Variants in PSIP1 observed in about 807,000 individuals in gnomAD.
PSIP1 encodes the protein PC4 and SRSF1 interacting protein 1.
Under a neutral mutation model 74.7 loss-of-function variants are expected in PSIP1, and 19 were observed. That is an observed-to-expected ratio of 0.25 (90% CI 0.18 to 0.37). PSIP1 has a LOEUF of 0.37. Ranked by LOEUF, PSIP1 falls within the 10% of genes least tolerant of loss-of-function variation. The pLI, the probability that PSIP1 is intolerant of heterozygous loss-of-function variation, is 1.00. For missense variants in PSIP1, 601 were observed against 614.3 expected (o/e 0.98, Z 0.23); for synonymous variants, 222 against 195.3 (o/e 1.14, Z -1.14).
rs1009026022 is a variant in PSIP1 at position 15,467,380 on chromosome 9, CAACAAA to C, written c.1421-527_1421-522del. Among the ~76,000 whole-genome samples, 10 of 152,206 alleles carry C rather than the reference CAACAAA, an allele frequency of 6.6e-5. No homozygotes were observed. The East Asian group carries it at 1.2e-3, about 18-fold the overall frequency. ...GGACCCATGTCATTCCCCAATAAAG[CAACAAA>C]AACAAAAAACCAACCGACTGCTTTT... On this transcript the variant is annotated intron_variant, in intron 14 of 15. Transcript: ENST00000380733.
chr9:15,477,880 A>G (rs1422800775), intron 8 of PSIP1, among the ~76,000 whole-genome samples: 1 of 152,058 alleles, frequency 6.6e-6, no homozygotes, highest in African/African-American at 2.4e-5. Context: ...GCTCACCCCT[A>G]TAATTCCAGC....
Position 15,468,752 on chromosome 9 carries a change from T to C in PSIP1, c.1298A>G (p.Asp433Gly), listed in dbSNP as rs1410918865. ...ATTCAGCACTTGGGTGATCACGGAA[T>C]CTCCTTCACCAACCAAGAACATGTT... ...FKNMFLVGEG[D>G]SVITQVLNKS... The change falls in exon 14 of 16, where the codon GAT becomes GGT. Residue 433 changes from aspartate (D) to glycine (G), a missense_variant. By Grantham distance (94) the Asp-to-Gly change is moderately conservative (BLOSUM62 -1). Coordinates refer to ENST00000380733, the MANE Select transcript of PSIP1 (RefSeq NM_033222.5). 1 of 1,613,912 alleles carries C rather than the reference T, an allele frequency of 6.2e-7. No homozygotes were observed. Among genetic ancestry groups the C allele is most frequent in the Non-Finnish European group, 8.5e-7 (1 of 1,179,920 alleles).
chr9:15,468,264 A>G, intron 14 of PSIP1: 2 of 500,144 alleles, frequency 4.0e-6, no homozygotes, highest in Non-Finnish European at 7.9e-6. Context: ...TTAAAAGGCT[A>G]CTGTACGCTA....
intron 4 of PSIP1, among the ~76,000 whole-genome samples, chr9:15,488,635 C>G (rs2737840): frequency 6.6e-6 from 1 of 152,002 alleles, no homozygotes. Flanking sequence ...GCCTATAATC[C>G]CAGCACTTTG....
At chr9:15,477,011 G>A (rs1042260465) in intron 8 of PSIP1, among the ~76,000 whole-genome samples, 5 of 152,130 alleles carry the variant, frequency 3.3e-5, no homozygotes, top group Admixed American at 6.6e-5. Context: ...AAGACAAACG[G>A]AGTGGGAAGC....
intron 14 of PSIP1, chr9:15,468,290 G>A (rs2035714351): frequency 7.2e-6 from 4 of 552,610 alleles, no homozygotes; most frequent in Admixed American, 5.8e-5. Context: ...CTTTTTAGGT[G>A]AGAAGAAAAC....
intron 8 of PSIP1, 55 bp downstream of exon 8, chr9:15,478,422 G>GT (rs2036191690): frequency 7.7e-7 from 1 of 1,297,254 alleles, no homozygotes; most frequent in South Asian, 1.3e-5. Context: ...ATATGTGCTT[G>GT]TTTAAAGTCA....
rs1019499849 is a variant in PSIP1 at position 15,466,985 on chromosome 9, T to C, written c.1421-126A>G. 22 of 700,156 alleles carry C rather than the reference T, an allele frequency of 3.1e-5. No homozygotes were observed. The African/African-American group carries it at 4.1e-4, about 13-fold the overall frequency. 43.4% of individuals were successfully genotyped at this position (700,156 alleles called of 1,614,324 possible). A position where few individuals can be genotyped will look rare whatever the true frequency, so the allele number is the denominator to read the frequency against. On this transcript the variant is annotated intron_variant, in intron 14 of 15. Coordinates refer to ENST00000380733, the MANE Select transcript of PSIP1 (RefSeq NM_033222.5). ...TGTTTCTACTACTTAATGTCTTTTA[T>C]TTGAAATTACATTGTAATACAGCCC...
chr9:15,482,623 C>A (rs2036383282), intron 6 of PSIP1, among the ~76,000 whole-genome samples: 1 of 152,198 alleles, frequency 6.6e-6, no homozygotes, highest in African/African-American at 2.4e-5. Context: ...ATTCTCTCAT[C>A]CAACATGTAT....
At chr9:15,482,337 G>C (rs2036372030) in intron 6 of PSIP1, among the ~76,000 whole-genome samples, 2 of 152,088 alleles carry the variant, frequency 1.3e-5, no homozygotes, top group Admixed American at 6.6e-5. Context: ...TCTCAGTTGA[G>C]ATCTCAAAGT....
Position 15,469,352 on chromosome 9 carries a change from T to C in PSIP1, c.1034-16A>G, listed in dbSNP as rs987974019. The C allele has an allele frequency of 3.3e-6, 5 of 1,510,006 alleles. No individual in the cohort carries two copies. The highest frequency in any genetic ancestry group is 2.0e-5 in the Admixed American group (1 of 49,614). 93.5% of individuals were successfully genotyped at this position (1,510,006 alleles called of 1,614,324 possible). On this transcript the variant is annotated splice_polypyrimidine_tract_variant and intron_variant, in intron 11 of 15. Coordinates refer to ENST00000380733, the MANE Select transcript of PSIP1 (RefSeq NM_033222.5). ...ATTGATGTTTCTACAAATTAAAATA[T>C]GTGAAAAACAGTGAACAGTTTTTCC...
At chr9:15,476,120 A>T (rs770671875) in intron 8 of PSIP1, among the ~76,000 whole-genome samples, 3 of 152,152 alleles carry the variant, frequency 2.0e-5, no homozygotes, top group Non-Finnish European at 4.4e-5. Context: ...CACTCCACTG[A>T]GTGTGTGCCC....
intron 3 of PSIP1, chr9:15,492,223 A>G (rs895531882): frequency 2.6e-5 from 4 of 152,260 alleles, no homozygotes; most frequent in African/African-American, 9.6e-5. Context: ...TCCACCTAGG[A>G]GCCTGTAAAA....
chr9:15,471,955 A>C (rs552165198), intron 10 of PSIP1: 1 of 974,462 alleles, frequency 1.0e-6, no homozygotes, highest in East Asian at 1.1e-4. Flanking sequence ...TGACAGTCTA[A>C]AGGTAACTAG....
intron 3 of PSIP1, among the ~76,000 whole-genome samples, chr9:15,501,187 C>T (rs547522964): frequency 9.1e-4 from 139 of 152,066 alleles, no homozygotes; most frequent in African/African-American, 3.2e-3. Context: ...CAAAAACAAA[C>T]TTCTGATCTA....
intron 6 of PSIP1, among the ~76,000 whole-genome samples, chr9:15,484,990 G>A (rs1191687955): frequency 2.0e-5 from 3 of 151,892 alleles, no homozygotes; most frequent in Admixed American, 2.0e-4. Context: ...AGGGTAAGAT[G>A]GGAAAATCCC....
chr9:15,500,594 G>A (rs543941508), intron 3 of PSIP1, among the ~76,000 whole-genome samples: 2 of 152,164 alleles, frequency 1.3e-5, no homozygotes, highest in East Asian at 1.9e-4. Context: ...TAGTGTAGAA[G>A]AAAAAAATCC....
chr9:15,464,899 C>G lies in PSIP1; in HGVS notation c.*621G>C, dbSNP rs2035507326. 1 of 214,664 alleles carries G rather than the reference C, an allele frequency of 4.7e-6. No homozygotes were observed. Among genetic ancestry groups the G allele is most frequent in the African/African-American group, 2.3e-5 (1 of 44,280 alleles). 13.3% of individuals were successfully genotyped at this position (214,664 alleles called of 1,614,324 possible). ...TTTATAGTTTGTAGAATTCTCAGTT[C>G]CATGTCAGTTGCTTAATTAGTTGTC... On this transcript the variant is annotated 3_prime_UTR_variant, in exon 16 of 16. Transcript: ENST00000380733.
At chr9:15,495,095 TTGAATCTTA>T (rs1298736843) in intron 3 of PSIP1, among the ~76,000 whole-genome samples, 3 of 152,138 alleles carry the variant, frequency 2.0e-5, no homozygotes, top group African/African-American at 7.2e-5. Context: ...ACTAAAGAAG[TTGAATCTTA>T]AGCACCCTCA....
Sources: allele counts gnomAD v4.1 joint callset (sites outside exome capture counted in the v4.1 genomes callset), GRCh38; gene constraint gnomAD v4.1.1; transcripts MANE v1.5; gene names NCBI Gene and HGNC (gene_info 2026-07-23, HGNC 2026-07-21).